SLC44A5: variants seen among roughly 807,000 people sequenced by gnomAD.
The protein encoded by SLC44A5 is solute carrier family 44 member 5.
A neutral mutation model predicts 101.8 loss-of-function variants in SLC44A5; 57 were observed. The observed-to-expected ratio is 0.56, with a 90% CI of 0.45 to 0.70. The LOEUF (loss-of-function observed/expected upper bound fraction) is 0.70. Ranked by LOEUF, SLC44A5 falls within the 30% of genes least tolerant of loss-of-function variation. The pLI is 0.00. For synonymous variants in SLC44A5, 281 were observed against 290.9 expected (o/e 0.97, Z 0.35); for missense variants, 737 against 853.1 (o/e 0.86, Z 1.70).
intron 3 of SLC44A5, 142 bp from the exon 4 acceptor site, chr1:75,339,772 G>A (rs890759656): frequency 1.6e-6 from 1 of 607,642 alleles, no homozygotes; most frequent in African/African-American, 1.9e-5. Flanking sequence ...TGAAACATAA[G>A]TATGTCTTGG....
At chr1:75,708,458 C>G in the SLC44A5 span, among the ~76,000 whole-genome samples, 1 of 149,282 alleles carries the variant, frequency 6.7e-6, no homozygotes, top group Non-Finnish European at 1.5e-5. Context: ...CTCTTTGACC[C>G]AGGAAGTATG....
At chr1:75,570,532 T>C (rs1480066878) in intron 1 of SLC44A5, among the ~76,000 whole-genome samples, 1 of 152,200 alleles carries the variant, frequency 6.6e-6, no homozygotes, top group Non-Finnish European at 1.5e-5. Flanking sequence ...GAGGGACTGA[T>C]GCAAGTCTGT....
chr1:75,653,469 G>C, the SLC44A5 span, among the ~76,000 whole-genome samples: 2 of 152,134 alleles, frequency 1.3e-5, no homozygotes, highest in Non-Finnish European at 2.9e-5. Context: ...GCGACAGAGA[G>C]ACTCAAACTA....
chr1:75,495,789 A>T (rs1570448293), intron 2 of SLC44A5, among the ~76,000 whole-genome samples: 1 of 152,260 alleles, frequency 6.6e-6, no homozygotes, highest in South Asian at 2.1e-4. Context: ...TCTCCACAAA[A>T]AATTTAATTT....
intron 20 of SLC44A5, among the ~76,000 whole-genome samples, chr1:75,214,205 C>A (rs557397028): frequency 7.9e-5 from 12 of 152,086 alleles, no homozygotes; most frequent in Non-Finnish European, 1.6e-4. Flanking sequence ...CTGTCAGGAG[C>A]CCTGCAGTGG....
chr1:75,679,941 A>G, the SLC44A5 span, among the ~76,000 whole-genome samples: 1 of 152,202 alleles, frequency 6.6e-6, no homozygotes, highest in Non-Finnish European at 1.5e-5. Context: ...ATGGAAAACA[A>G]AAGAAGGCAG....
chr1:75,209,869 G>A (rs1315463777), intron 23 of SLC44A5, among the ~76,000 whole-genome samples: 1 of 152,092 alleles, frequency 6.6e-6, no homozygotes, highest in Non-Finnish European at 1.5e-5. Context: ...CAATGTGCTA[G>A]AGAAATAATC....
chr1:75,633,446 A>AAGTGGATT, the SLC44A5 span, among the ~76,000 whole-genome samples: 1 of 152,126 alleles, frequency 6.6e-6, no homozygotes, highest in Non-Finnish European at 1.5e-5. Context: ...GTCCCTTGTA[A>AAGTGGATT]AGTGGATTCC....
At chr1:75,407,261 TATC>T (rs1282805629) in intron 2 of SLC44A5, among the ~76,000 whole-genome samples, 1 of 152,086 alleles carries the variant, frequency 6.6e-6, no homozygotes, top group Non-Finnish European at 1.5e-5. Context: ...GAAGAATCAA[TATC>T]ATGAAAATGG....
rs899804757 is a variant in SLC44A5 at position 75,408,222 on chromosome 1, G to C, written c.14-11601C>G. ...AAAAAGTCAGGAAACACAGATGCTA[G>C]AGAGGATGTGGAGAAATAAGAATGT... On this transcript the variant is annotated intron_variant, in intron 2 of 23. Transcript: ENST00000370859. 5.0e-4 allele frequency among the ~76,000 whole-genome samples: 76 copies of C among 152,220 alleles called. 1 individual carries two copies. The highest frequency in any genetic ancestry group is 1.8e-3 in the African/African-American group (74 of 41,470).
chr1:75,638,920 A>G, the SLC44A5 span, among the ~76,000 whole-genome samples: 17 of 152,076 alleles, frequency 1.1e-4, no homozygotes, highest in Non-Finnish European at 1.9e-4. Flanking sequence ...AACCTGGAGG[A>G]CACTGTGTTA....
the SLC44A5 span, among the ~76,000 whole-genome samples, chr1:75,658,858 A>G: frequency 5.3e-5 from 8 of 152,218 alleles, no homozygotes; most frequent in South Asian, 1.2e-3. Context: ...GAAAAGATAA[A>G]TAAAATTTTA....
At chr1:75,460,632 T>G (rs899535237) in intron 2 of SLC44A5, among the ~76,000 whole-genome samples, 3 of 152,196 alleles carry the variant, frequency 2.0e-5, no homozygotes, top group African/African-American at 7.2e-5. Flanking sequence ...TTTTGACTAC[T>G]TTAGATAAAA....
At chr1:75,273,102 G>A (rs145785274) in intron 6 of SLC44A5, among the ~76,000 whole-genome samples, 157 of 152,112 alleles carry the variant, frequency 1.0e-3, no homozygotes, top group African/African-American at 3.6e-3. Context: ...TCACCTTGTT[G>A]GTTAAGTGTG....
intron 1 of SLC44A5, among the ~76,000 whole-genome samples, chr1:75,549,462 A>G (rs1361148850): frequency 6.6e-6 from 1 of 152,126 alleles, no homozygotes; most frequent in African/African-American, 2.4e-5. Flanking sequence ...ATCACGATGT[A>G]TTGGATTACT....
chr1:75,544,978 G>A (rs1024384060), intron 1 of SLC44A5, among the ~76,000 whole-genome samples: 2 of 152,052 alleles, frequency 1.3e-5, no homozygotes, highest in African/African-American at 4.8e-5. Flanking sequence ...ATCTACATTA[G>A]GTATTTCTCC....
chr1:75,709,823 T>A, the SLC44A5 span, among the ~76,000 whole-genome samples: 1 of 152,226 alleles, frequency 6.6e-6, no homozygotes, highest in Non-Finnish European at 1.5e-5. Flanking sequence ...CCTGTTCTTG[T>A]ACACAAATGC....
At chr1:75,384,089 C>T (rs1248333299) in intron 3 of SLC44A5, among the ~76,000 whole-genome samples, 1 of 151,528 alleles carries the variant, frequency 6.6e-6, no homozygotes, top group Non-Finnish European at 1.5e-5. Context: ...CCGGTACCAG[C>T]CGCTGCAAAA....
the SLC44A5 span, chr1:75,641,760 C>T: frequency 2.5e-6 from 4 of 1,579,844 alleles, no homozygotes; most frequent in Non-Finnish European, 3.5e-6. Context: ...TAGGCAACCA[C>T]TTTGTCCAGT....
Sources: allele counts gnomAD v4.1 joint callset (sites outside exome capture counted in the v4.1 genomes callset), GRCh38; gene constraint gnomAD v4.1.1; transcripts MANE v1.5; gene names NCBI Gene and HGNC (gene_info 2026-07-23, HGNC 2026-07-21).